SOX6: variants seen among roughly 807,000 people sequenced by gnomAD.
The protein encoded by SOX6 is transcription factor SOX-6.
A neutral mutation model predicts 97.8 loss-of-function variants in SOX6; 11 were observed. The ratio of observed to expected loss-of-function variants is 0.11; its 90% CI spans 0.07 to 0.19. SOX6 has a LOEUF of 0.19. Ranked by LOEUF, SOX6 falls within the 10% of genes least tolerant of loss-of-function variation. The pLI is 1.00. For missense variants in SOX6, 810 were observed against 1,039.5 expected (o/e 0.78, Z 3.04); for synonymous variants, 360 against 371.4 (o/e 0.97, Z 0.35).
At chr11:16,008,896 T>C (rs920280403) in intron 13 of SOX6, among the ~76,000 whole-genome samples, 5 of 152,040 alleles carry the variant, frequency 3.3e-5, no homozygotes, top group Non-Finnish European at 5.9e-5. Context: ...CCAGCCTGTG[T>C]GGCTGTTACT....
chr11:16,305,140 C>T (rs1051030688), intron 3 of SOX6, among the ~76,000 whole-genome samples: 2 of 152,032 alleles, frequency 1.3e-5, no homozygotes, highest in African/African-American at 4.8e-5. Flanking sequence ...AAGCTAAAGA[C>T]CGGGAGAAAA....
At chr11:16,395,983 T>G (rs1342607262) in intron 1 of SOX6, among the ~76,000 whole-genome samples, 1 of 151,780 alleles carries the variant, frequency 6.6e-6, no homozygotes, top group Non-Finnish European at 1.5e-5. Context: ...TTATTTCCCT[T>G]CCCTCTTCTT....
At chr11:16,560,562 CAT>C (rs1249212141) in intron 4 of SOX6, among the ~76,000 whole-genome samples, 69 of 105,578 alleles carry the variant, frequency 6.5e-4, no homozygotes, top group African/African-American at 2.1e-3. Context: ...TTTATACGTA[CAT>C]ATATGTTTAT....
intron 6 of SOX6, among the ~76,000 whole-genome samples, chr11:16,182,724 G>C (rs1317350977): frequency 1.3e-5 from 2 of 151,808 alleles, no homozygotes; most frequent in East Asian, 3.9e-4. Flanking sequence ...ACTGAAAATA[G>C]CTGGACAAAA....
At chr11:15,975,218 C>G (rs1039329909) in intron 15 of SOX6, among the ~76,000 whole-genome samples, 4 of 152,086 alleles carry the variant, frequency 2.6e-5, no homozygotes, top group African/African-American at 9.7e-5. Context: ...ATATTAGTTC[C>G]CTCTTATTGA....
chr11:16,296,674 T>C lies in SOX6; in HGVS notation c.445+21772A>G, dbSNP rs1430466128. 2.0e-5 allele frequency among the ~76,000 whole-genome samples: 3 copies of C among 152,142 alleles called. No individual in the cohort carries two copies. In the South Asian group the frequency reaches 6.2e-4, roughly 31 times the overall value. Reference sequence around the variant, plus strand: ...AAACGGCAAGTGGCAAGTTTGGAGATATCAAAACACCAACTAAGATTTAAC... The same window carrying C: ...AAACGGCAAGTGGCAAGTTTGGAGACATCAAAACACCAACTAAGATTTAAC... On this transcript the variant is annotated intron_variant, in intron 3 of 15. Coordinates refer to ENST00000683767, the MANE Select transcript of SOX6 (RefSeq NM_001367873.1).
chr11:16,279,899 G>GA (rs1302242472), intron 3 of SOX6, among the ~76,000 whole-genome samples: 2 of 151,980 alleles, frequency 1.3e-5, no homozygotes, highest in African/African-American at 2.4e-5. Flanking sequence ...ACTAACTCTT[G>GA]AAAAATCTAT....
intron 4 of SOX6, among the ~76,000 whole-genome samples, chr11:16,565,359 A>G (rs1454323474): frequency 6.6e-6 from 1 of 152,174 alleles, no homozygotes; most frequent in Non-Finnish European, 1.5e-5. Flanking sequence ...AATGTCTACC[A>G]AATGTTTAAA....
intron 1 of SOX6, among the ~76,000 whole-genome samples, chr11:16,347,060 T>C (rs1399820366): frequency 2.6e-5 from 4 of 152,154 alleles, no homozygotes; most frequent in Admixed American, 6.6e-5. Flanking sequence ...AGAGCTCATA[T>C]GTCTTGGAAT....
intron 4 of SOX6, among the ~76,000 whole-genome samples, chr11:16,541,059 T>C (rs1253298030): frequency 6.6e-6 from 1 of 152,130 alleles, no homozygotes; most frequent in Non-Finnish European, 1.5e-5. Flanking sequence ...TCACACTACC[T>C]GACTTCAAAC....
At chr11:16,719,056 G>A (rs1209731018) in intron 2 of SOX6, among the ~76,000 whole-genome samples, 1 of 148,776 alleles carries the variant, frequency 6.7e-6, no homozygotes, top group Non-Finnish European at 1.5e-5. Context: ...TATTACACAA[G>A]TACATAATTT....
At chr11:16,712,086 C>T (rs1590061033) in intron 3 of SOX6, among the ~76,000 whole-genome samples, 1 of 147,570 alleles carries the variant, frequency 6.8e-6, no homozygotes, top group African/African-American at 2.6e-5. Flanking sequence ...CATACACACA[C>T]ACACACACAC....
intron 3 of SOX6, among the ~76,000 whole-genome samples, chr11:16,661,619 C>G (rs1372549894): frequency 1.3e-5 from 2 of 152,034 alleles, no homozygotes; most frequent in Non-Finnish European, 2.9e-5. Flanking sequence ...GGGGGCATAG[C>G]TCATCACAGC....
At chr11:16,416,814 G>T (rs762338597) in intron 1 of SOX6, among the ~76,000 whole-genome samples, 2 of 152,170 alleles carry the variant, frequency 1.3e-5, no homozygotes, top group African/African-American at 2.4e-5. Flanking sequence ...AATCTTGACA[G>T]AATATCACAA....
intron 4 of SOX6, among the ~76,000 whole-genome samples, chr11:16,527,752 A>G (rs1035300734): frequency 2.6e-5 from 4 of 152,090 alleles, no homozygotes; most frequent in African/African-American, 9.7e-5. Context: ...CTTCAATTTG[A>G]ATCACAGACT....
In SOX6 at chr11:16,546,105, C is replaced by T. The variant is rs1269747111; in HGVS notation, n.609+65976G>A. On this transcript the variant is annotated intron_variant and non_coding_transcript_variant, in intron 4 of 5. Coordinates refer to the SOX6 transcript ENST00000524520. ...AAGAGGGCAATCCTATTTACAAAAG[C>T]AACAACAAAAAAAAATACCTAGGGA... Among the ~76,000 whole-genome samples, 3 of 144,682 alleles carry T rather than the reference C, an allele frequency of 2.1e-5. No individual in the cohort carries two copies. The Admixed American group carries it at 2.2e-4, about 11-fold the overall frequency. 94.9% of individuals were successfully genotyped at this position (144,682 alleles called of 152,430 possible). A position where few individuals can be genotyped will look rare whatever the true frequency, so the allele number is the denominator to read the frequency against.
chr11:15,973,247 AAAT>A (rs1460810134), intron 15 of SOX6, 135 bp from the exon 16 acceptor site: 4 of 873,134 alleles, frequency 4.6e-6, no homozygotes, highest in African/African-American at 1.7e-5. Context: ...TAAGCAAATA[AAAT>A]GTGACAAAGG....
intron 3 of SOX6, among the ~76,000 whole-genome samples, chr11:16,662,237 G>A (rs924103666): frequency 3.3e-5 from 5 of 152,134 alleles, no homozygotes; most frequent in African/African-American, 1.2e-4. Context: ...GCTTGTCTGA[G>A]AAAGTCATTA....
At chr11:16,504,453 G>A (rs941362912) in intron 4 of SOX6, among the ~76,000 whole-genome samples, 2 of 151,898 alleles carry the variant, frequency 1.3e-5, no homozygotes, top group African/African-American at 4.8e-5. Context: ...TAATAAATTA[G>A]CTGAGAAAGA....
Sources: gnomAD v4.1 joint callset for allele counts (sites outside exome capture counted in the v4.1 genomes callset) on GRCh38, gnomAD v4.1.1 for gene constraint, MANE v1.5 for transcripts, NCBI Gene and HGNC (gene_info 2026-07-23, HGNC 2026-07-21) for gene names.